Variants in CATSPER2 observed in about 807,000 individuals in gnomAD.
The protein encoded by CATSPER2 is cation channel sperm-associated protein 2.
In CATSPER2, 56 loss-of-function variants were observed where a neutral mutation model predicts 68.8. The ratio of observed to expected loss-of-function variants is 0.81; its 90% CI spans 0.66 to 1.02. CATSPER2 has a LOEUF of 1.02. Among genes scored for constraint, CATSPER2 ranks in the 50% least tolerant of loss-of-function variants. The probability of loss-of-function intolerance (pLI) is 0.00; values close to 1 mark genes in which losing one functional copy is unlikely to be tolerated. For synonymous variants in CATSPER2, 198 were observed against 229.9 expected, an observed-to-expected ratio of 0.86 and a Z score of 1.26; for missense variants, 582 against 642.0, an observed-to-expected ratio of 0.91 and a Z score of 1.01.
At chr15:43,645,775 A>G (rs1439360584) in intron 4 of CATSPER2, among the ~76,000 whole-genome samples, 1 of 151,906 alleles carries the variant, frequency 6.6e-6, no homozygotes, top group Admixed American at 6.6e-5. Context: ...CCTAAGCAAC[A>G]AAGTGAGACT....
At position 43,647,463 on chromosome 15, in the gene CATSPER2, A is replaced by C. The variant is rs752302624; in HGVS notation, c.150T>G (p.Pro50=). The C allele has an allele frequency of 6.2e-7, 1 of 1,613,050 alleles. No homozygotes were observed. The highest frequency in any genetic ancestry group is 8.5e-7 in the Non-Finnish European group (1 of 1,179,318). The part of the protein sequence containing the change: ...PRHTIRELLD[P]SRQKKLVLGD... ...CCAATACAAGTTTCTTCTGGCGGGA[A>C]GGATCTACAACAAAAATTAAAAAGG... Residue 50 remains proline, a synonymous_variant, in exon 3 of 13, where the codon CCT becomes CCG. Coordinates refer to ENST00000396879, the MANE Select transcript of CATSPER2 (RefSeq NM_172095.4).
chr15:43,637,422 C>T (rs180724504), intron 7 of CATSPER2, among the ~76,000 whole-genome samples: 6 of 151,772 alleles, frequency 4.0e-5, no homozygotes, highest in Non-Finnish European at 8.8e-5. Context: ...TTTTAGTCCC[C>T]CATATACAAT....
chr15:43,632,055 A>C, intron 12 of CATSPER2, 144 bp downstream of exon 12: 1 of 899,742 alleles, frequency 1.1e-6, no homozygotes, highest in Non-Finnish European at 1.8e-6. Context: ...TACCAAACCA[A>C]GAATTTTAGT....
intron 4 of CATSPER2, among the ~76,000 whole-genome samples, chr15:43,646,247 G>A (rs1228104495): frequency 1.3e-5 from 2 of 150,844 alleles, no homozygotes; most frequent in African/African-American, 4.9e-5. Flanking sequence ...GTGTCTAGAT[G>A]CTCTGTATCT....
chr15:43,646,994 C>A, intron 4 of CATSPER2, 56 bp downstream of exon 4: 5 of 1,460,876 alleles, frequency 3.4e-6, no homozygotes, highest in Non-Finnish European at 4.8e-6. Flanking sequence ...TAGGATTACA[C>A]GTGTGAGCCG....
Position 43,640,586 on chromosome 15 carries a change from C to T in CATSPER2, c.389-90G>A, listed in dbSNP as rs543272456. 7.4e-4 allele frequency: 1,148 copies of T among 1,550,034 alleles called. 18 individuals are homozygous for T. In the African/African-American group the frequency reaches 0.014, roughly 19 times the overall value. On this transcript the variant is annotated intron_variant, in intron 4 of 12. Coordinates refer to ENST00000396879, the MANE Select transcript of CATSPER2 (RefSeq NM_172095.4). ...AACACACTTATAAACCACAGTTTTG[C>T]CCACTACTGTTCCATTTTTCTTCAC...
At position 43,647,854 on chromosome 15, in the gene CATSPER2, T is replaced by C. The variant is rs954876811; in HGVS notation, c.145+63A>G. 1.6e-4 allele frequency: 249 copies of C among 1,573,034 alleles called. 1 individual carries two copies. Among genetic ancestry groups the C allele is most frequent in the Non-Finnish European group, 2.1e-4 (242 of 1,143,262 alleles). ...TAAACCTCCCCAGAATTTTCCACTC[T>C]TAAATGTAGAGGATGTGGATAGGAG... On this transcript the variant is annotated intron_variant, in intron 2 of 12. Transcript: ENST00000396879.
upstream of CATSPER2, chr15:43,648,848 C>G (rs1375025890): frequency 2.0e-6 from 3 of 1,526,818 alleles, no homozygotes; most frequent in African/African-American, 1.4e-5. Context: ...GAGCAACGCT[C>G]GCCCAGCCAC....
Position 43,635,436 on chromosome 15 carries a change from A to C in CATSPER2, c.1122-20T>G. The C allele has an allele frequency of 6.2e-7, 1 of 1,603,432 alleles. No homozygotes were observed. Among genetic ancestry groups the C allele is most frequent in the Non-Finnish European group, 8.5e-7 (1 of 1,175,792 alleles). ...TTTCTCCTGCAGAGCAAAAAAAAAAAAGAGCAAAGACAGTTATATTCAAGC... is the reference window on the plus strand; with the variant it reads ...TTTCTCCTGCAGAGCAAAAAAAAAACAGAGCAAAGACAGTTATATTCAAGC... On this transcript the variant is annotated intron_variant, in intron 9 of 12. Transcript: ENST00000396879.
At chr15:43,635,205 A>G (rs1288768875) in intron 10 of CATSPER2, 155 bp downstream of exon 10, 2 of 768,460 alleles carry the variant, frequency 2.6e-6, no homozygotes, top group African/African-American at 3.5e-5. Flanking sequence ...GGGAGCAAAG[A>G]CATGGACATA....
chr15:43,639,207 C>T (rs940691894), intron 6 of CATSPER2, among the ~76,000 whole-genome samples, 179 bp from the exon 7 acceptor site: 8 of 151,340 alleles, frequency 5.3e-5, no homozygotes, highest in African/African-American at 1.5e-4. Flanking sequence ...TTTCACAGGA[C>T]GTTTCATTGC....
rs1369775933 is a variant in CATSPER2 at position 43,636,972 on chromosome 15, G to A, written c.843-753C>T. 1.3e-5 allele frequency among the ~76,000 whole-genome samples: 2 copies of A among 150,966 alleles called. 1 individual carries two copies. The highest frequency in any genetic ancestry group is 4.2e-4 in the South Asian group (2 of 4,754). On this transcript the variant is annotated intron_variant, in intron 7 of 12. Transcript: ENST00000396879. ...CGAGTAGTTGGGATTACAGGCATGC[G>A]CCACCATGCCCAGCTAATTTTCATA...
intron 4 of CATSPER2, among the ~76,000 whole-genome samples, chr15:43,641,302 G>A (rs1285914960): frequency 6.6e-6 from 1 of 151,534 alleles, no homozygotes; most frequent in Admixed American, 6.6e-5. Flanking sequence ...TTTCAGTAGA[G>A]ATGGGGTTTC....
intron 10 of CATSPER2, chr15:43,635,080 G>A (rs2085939642): frequency 4.1e-6 from 2 of 486,726 alleles, no homozygotes; most frequent in South Asian, 2.3e-5. Context: ...TCTTTTATAA[G>A]GACCCTTGCC....
At position 43,629,802 on chromosome 15, in the gene CATSPER2, C is replaced by T. The variant is rs1358940724; in HGVS notation, c.*899G>A. 6.6e-6 allele frequency: 1 copy of T among 151,672 alleles called. No individual in the cohort carries two copies. The highest frequency in any genetic ancestry group is 1.5e-5 in the Non-Finnish European group (1 of 67,972). 9.4% of individuals were successfully genotyped at this position (151,672 alleles called of 1,614,324 possible). ...GCTATGGCAAAATGAAATAAAGAGACTTCCGGTCCAGAAACAGGTAAAAAT... is the reference window on the plus strand; with the variant it reads ...GCTATGGCAAAATGAAATAAAGAGATTTCCGGTCCAGAAACAGGTAAAAAT... On this transcript the variant is annotated 3_prime_UTR_variant, in exon 13 of 13. Transcript: ENST00000396879.
chr15:43,636,699 C>T (rs1419393369), intron 7 of CATSPER2, among the ~76,000 whole-genome samples: 1 of 151,170 alleles, frequency 6.6e-6, no homozygotes, highest in Non-Finnish European at 1.5e-5. Flanking sequence ...CCTAAATTCT[C>T]CTTTATCATG....
chr15:43,648,288 C>G (rs933609925), intron 1 of CATSPER2, among the ~76,000 whole-genome samples: 10 of 151,928 alleles, frequency 6.6e-5, no homozygotes, highest in African/African-American at 2.4e-4. Flanking sequence ...GTCGACCAAG[C>G]GGCCAGGCAT....
intron 11 of CATSPER2, 175 bp downstream of exon 11, chr15:43,632,542 A>G (rs2085893418): frequency 6.9e-7 from 1 of 1,450,434 alleles, no homozygotes; most frequent in Middle Eastern, 2.4e-4. Flanking sequence ...CCACAGCCAC[A>G]CTTACCCGAA....
At chr15:43,639,614 C>T in intron 6 of CATSPER2, 29 bp downstream of exon 6, 1 of 1,611,982 alleles carries the variant, frequency 6.2e-7, no homozygotes, top group East Asian at 2.2e-5. Flanking sequence ...TACCTTGCCC[C>T]CTGCTTTAGC....
Sources: gnomAD v4.1 joint callset for allele counts (sites outside exome capture counted in the v4.1 genomes callset) on GRCh38, gnomAD v4.1.1 for gene constraint, MANE v1.5 for transcripts, NCBI Gene and HGNC (gene_info 2026-07-23, HGNC 2026-07-21) for gene names.